The following MPP7 variants were observed in gnomAD, a reference collection of about 807,000 sequenced individuals.
MPP7 encodes MAGUK p55 subfamily member 7.
MPP7 carries 60 observed loss-of-function variants against 76.5 expected under a neutral mutation model. That is an observed-to-expected ratio of 0.78 (90% CI 0.64 to 0.97). The LOEUF (loss-of-function observed/expected upper bound fraction) is 0.97. MPP7 is among the 50% of genes least tolerant of loss of function. The probability of loss-of-function intolerance (pLI) is 0.00; values close to 1 mark genes in which losing one functional copy is unlikely to be tolerated. For missense variants in MPP7, 641 were observed against 694.0 expected, an observed-to-expected ratio of 0.92 and a Z score of 0.86; for synonymous variants, 237 against 244.5, an observed-to-expected ratio of 0.97 and a Z score of 0.29.
intron 1 of MPP7, among the ~76,000 whole-genome samples, chr10:28,248,830 C>T (rs1402026171): frequency 6.6e-6 from 1 of 152,226 alleles, no homozygotes; most frequent in Non-Finnish European, 1.5e-5. Context: ...CTGCACCATG[C>T]AGCCTAGGTG....
At chr10:28,304,444 A>T (rs1407957016), upstream of MPP7, among the ~76,000 whole-genome samples, 1 of 152,240 alleles carries the variant, frequency 6.6e-6, no homozygotes, top group African/African-American at 2.4e-5. Context: ...ACATAAACTT[A>T]AAGAGAAGTA....
intron 3 of MPP7, among the ~76,000 whole-genome samples, chr10:28,173,712 T>A (rs914754822): frequency 6.6e-6 from 1 of 152,116 alleles, no homozygotes; most frequent in African/African-American, 2.4e-5. Flanking sequence ...AGCAAATATT[T>A]AAAAATCATT....
At chr10:28,101,023 T>C (rs1853801754) in intron 11 of MPP7, among the ~76,000 whole-genome samples, 1 of 152,200 alleles carries the variant, frequency 6.6e-6, no homozygotes, top group East Asian at 1.9e-4. Flanking sequence ...TATATAAAAA[T>C]ATGGTTCTGA....
intron 1 of MPP7, among the ~76,000 whole-genome samples, chr10:28,293,907 G>GAAAGAGGGTTT (rs1424030123): frequency 4.6e-5 from 7 of 152,232 alleles, no homozygotes; most frequent in Non-Finnish European, 8.8e-5. Flanking sequence ...GAAAGTGATG[G>GAAAGAGGGTTT]AAAGAGGGTT....
At chr10:28,116,306 A>G (rs2133588343) in intron 11 of MPP7, among the ~76,000 whole-genome samples, 1 of 152,318 alleles carries the variant, frequency 6.6e-6, no homozygotes, top group East Asian at 1.9e-4. Flanking sequence ...ACGGTTAGGT[A>G]GTACATGCAA....
At position 28,320,840 on chromosome 10, in the gene MPP7, T is replaced by TTTTG. The variant is rs1554870623; in HGVS notation, c.-132+9088_-132+9089insCAAA. Among the ~76,000 whole-genome samples, 5 of 152,188 alleles carry TTTTG rather than the reference T, an allele frequency of 3.3e-5. No individual in the cohort carries two copies. In the East Asian group the frequency reaches 7.7e-4, roughly 23 times the overall value. On this transcript the variant is annotated intron_variant, in intron 2 of 11. Coordinates refer to the MPP7 transcript ENST00000441595. ...AGTGCAGTTTTTTGTTTGTTTTTTT[T>TTTTG]TTGTTCCTCTGCAGTGGTTTGGAAC...
chr10:28,074,300 T>C (rs1411645682), intron 12 of MPP7, among the ~76,000 whole-genome samples: 2 of 151,696 alleles, frequency 1.3e-5, no homozygotes, highest in Non-Finnish European at 2.9e-5. Flanking sequence ...TTTTTTTAAC[T>C]TGCTTATTTT....
At chr10:28,318,996 T>G (rs1401327350) in intron 2 of MPP7, among the ~76,000 whole-genome samples, 2 of 152,252 alleles carry the variant, frequency 1.3e-5, no homozygotes, top group African/African-American at 2.4e-5. Flanking sequence ...TGTATTAGTC[T>G]GTTCTTACAC....
chr10:28,067,252 A>G (rs1205817816), intron 13 of MPP7, among the ~76,000 whole-genome samples: 2 of 152,244 alleles, frequency 1.3e-5, no homozygotes, highest in Non-Finnish European at 2.9e-5. Context: ...TAAACATCAA[A>G]CAATACTGGT....
intron 11 of MPP7, among the ~76,000 whole-genome samples, chr10:28,102,857 T>C (rs1047619880): frequency 7.9e-5 from 12 of 152,180 alleles, no homozygotes; most frequent in Non-Finnish European, 1.8e-4. Context: ...CTGCTGTTTC[T>C]CCCTTACAAT....
chr10:28,233,987 G>GA (rs1213375213), intron 2 of MPP7, among the ~76,000 whole-genome samples: 1 of 151,904 alleles, frequency 6.6e-6, no homozygotes, highest in Non-Finnish European at 1.5e-5. Flanking sequence ...AAAGAGAAAA[G>GA]AAACGAAATG....
At chr10:28,284,535 T>C in intron 1 of MPP7, among the ~76,000 whole-genome samples, 1 of 152,204 alleles carries the variant, frequency 6.6e-6, no homozygotes, top group Non-Finnish European at 1.5e-5. Context: ...CAATAGGACC[T>C]CTTCAGTCTC....
intron 3 of MPP7, among the ~76,000 whole-genome samples, chr10:28,155,952 A>G (rs144964811): frequency 1.3e-5 from 2 of 152,248 alleles, no homozygotes; most frequent in East Asian, 3.9e-4. Context: ...TCTTCCAGCT[A>G]TTGTTTTCCT....
chr10:28,288,398 T>C (rs1380048345), intron 1 of MPP7, among the ~76,000 whole-genome samples: 1 of 151,880 alleles, frequency 6.6e-6, no homozygotes, highest in Admixed American at 6.6e-5. Flanking sequence ...CACTACCATA[T>C]CCTGTTAATT....
chr10:28,132,439 CT>C (rs1210302274), intron 5 of MPP7, among the ~76,000 whole-genome samples: 1 of 151,788 alleles, frequency 6.6e-6, no homozygotes, highest in Non-Finnish European at 1.5e-5. Flanking sequence ...TTTTTAAAAA[CT>C]TTTTTTTAGA....
chr10:28,252,908 CT>C (rs889154658), intron 1 of MPP7, among the ~76,000 whole-genome samples: 11 of 150,188 alleles, frequency 7.3e-5, no homozygotes, highest in East Asian at 3.9e-4. Context: ...ATCTGCATTT[CT>C]TTTTTTTTGG....
chr10:28,169,095 T>C (rs895743396), intron 3 of MPP7, among the ~76,000 whole-genome samples: 5 of 152,160 alleles, frequency 3.3e-5, no homozygotes, highest in African/African-American at 1.2e-4. Context: ...GACTCTATGA[T>C]AAAACTTGAT....
At chr10:28,223,083 G>A (rs1035701150) in intron 2 of MPP7, among the ~76,000 whole-genome samples, 6 of 147,840 alleles carry the variant, frequency 4.1e-5, no homozygotes, top group African/African-American at 5.0e-5. Flanking sequence ...GCAGTGAGCC[G>A]GGATCGCACC....
chr10:28,174,719 C>G (rs770946044), intron 3 of MPP7, among the ~76,000 whole-genome samples: 12 of 152,172 alleles, frequency 7.9e-5, no homozygotes, highest in Non-Finnish European at 1.8e-4. Context: ...CCCAACATTT[C>G]CATTCCTTAG....
Sources: gnomAD v4.1 joint callset for allele counts (sites outside exome capture counted in the v4.1 genomes callset) on GRCh38, gnomAD v4.1.1 for gene constraint, MANE v1.5 for transcripts, NCBI Gene and HGNC (gene_info 2026-07-23, HGNC 2026-07-21) for gene names.